EFCAB3: variants seen among roughly 807,000 people sequenced by gnomAD.
The protein encoded by EFCAB3 is EF-hand calcium binding domain 3.
EFCAB3 carries 36 observed loss-of-function variants against 42.2 expected under a neutral mutation model. The observed-to-expected ratio is 0.85, with a 90% CI of 0.65 to 1.13. The LOEUF (loss-of-function observed/expected upper bound fraction) is 1.13. Ranked by LOEUF, EFCAB3 falls within the 50% of genes most tolerant of loss-of-function variation. The pLI is 0.00. For missense variants in EFCAB3, 418 were observed against 505.1 expected, an observed-to-expected ratio of 0.83 and a Z score of 1.65; for synonymous variants, 170 against 172.8, an observed-to-expected ratio of 0.98 and a Z score of 0.13.
chr17:62,388,216 A>G (rs1163933470), intron 3 of EFCAB3, among the ~76,000 whole-genome samples: 1 of 152,210 alleles, frequency 6.6e-6, no homozygotes, highest in Non-Finnish European at 1.5e-5. Flanking sequence ...GTCTCGAAAA[A>G]AAAAAGCCAT....
intron 2 of EFCAB3, among the ~76,000 whole-genome samples, chr17:62,374,317 T>C (rs1220816167): frequency 6.6e-6 from 1 of 152,022 alleles, no homozygotes. Context: ...AAAAATTAAC[T>C]GGGCGTCATG....
At chr17:62,373,110 A>T (rs1442887776) in intron 1 of EFCAB3, among the ~76,000 whole-genome samples, 4 of 150,930 alleles carry the variant, frequency 2.7e-5, no homozygotes, top group African/African-American at 9.8e-5. Flanking sequence ...GCGAAACCCC[A>T]TCTCACTAAA....
intron 6 of EFCAB3, among the ~76,000 whole-genome samples, chr17:62,398,802 C>T (rs370410961): frequency 3.9e-5 from 6 of 152,012 alleles, no homozygotes; most frequent in East Asian, 1.9e-4. Context: ...CATAATTCAA[C>T]GTACGTTAAA....
chr17:62,408,715 C>A (rs2070469034), intron 8 of EFCAB3, among the ~76,000 whole-genome samples: 1 of 152,316 alleles, frequency 6.6e-6, no homozygotes, highest in Admixed American at 6.5e-5. Context: ...TATAGGCCAT[C>A]ACTGATCTAG....
intron 3 of EFCAB3, among the ~76,000 whole-genome samples, chr17:62,390,111 A>G (rs1252441200): frequency 1.3e-5 from 2 of 152,186 alleles, no homozygotes; most frequent in Non-Finnish European, 2.9e-5. Context: ...TTCAATAGGA[A>G]GAAGAGACAA....
Position 62,416,322 on chromosome 17 carries a change from A to C in EFCAB3, c.1310A>C (p.Gln437Pro). The C allele has an allele frequency of 4.4e-6, 7 of 1,578,322 alleles. No individual in the cohort carries two copies. Among genetic ancestry groups the C allele is most frequent in the Non-Finnish European group, 6.0e-6 (7 of 1,166,232 alleles). Residue 437 changes from glutamine to proline, a missense_variant, in exon 10 of 10, where the codon CAA (glutamine) becomes CCA (proline). Gln to Pro is a moderately conservative substitution (Grantham distance 76). Transcript: ENST00000305286. Reference protein sequence around the residue: ...KRKRKGLKGFQQ With the variant: ...KRKRKGLKGFPQ ...AAACGGAAAGGTTTAAAGGGATTTC[A>C]ACAATGAAATTTCTACATTTTCTAA... is the stretch of plus-strand genomic sequence containing the variant.
At chr17:62,377,806 C>T (rs1300194825), upstream of EFCAB3, among the ~76,000 whole-genome samples, 1 of 139,914 alleles carries the variant, frequency 7.1e-6, no homozygotes, top group African/African-American at 3.0e-5. Flanking sequence ...CATTAAGGCA[C>T]CAAAAGAAAC....
chr17:62,413,707 C>A (rs765785032), intron 8 of EFCAB3, 25 bp from the exon 9 acceptor site: 1 of 1,552,474 alleles, frequency 6.4e-7, no homozygotes, highest in African/African-American at 1.4e-5. Flanking sequence ...GTATTACTAA[C>A]CTTCTTTTTT....
At chr17:62,412,361 C>CAAAAAAAAA (rs1237628464) in intron 8 of EFCAB3, among the ~76,000 whole-genome samples, 1 of 65,958 alleles carries the variant, frequency 1.5e-5, no homozygotes, top group African/African-American at 4.9e-5. Context: ...GACTCTGTCT[C>CAAAAAAAAA]AAAAAAAAAA....
chr17:62,411,856 AGAAGGAAGGAAGGAAGGAAG>A (rs1179394697), intron 8 of EFCAB3, among the ~76,000 whole-genome samples: 1 of 56,140 alleles, frequency 1.8e-5, no homozygotes, highest in African/African-American at 5.9e-5. Context: ...AAGGAAGGAA[AGAAGGAAGGAAGGAAGGAAG>A]GAAGGAAGGA....
At chr17:62,374,159 CT>C (rs1201139187) in intron 2 of EFCAB3, among the ~76,000 whole-genome samples, 13 of 152,164 alleles carry the variant, frequency 8.5e-5, no homozygotes, top group Middle Eastern at 3.4e-3. Flanking sequence ...TAAAATCTTA[CT>C]TTTTTATAAA....
At chr17:62,373,450 C>CAAA (rs35615092) in intron 1 of EFCAB3, among the ~76,000 whole-genome samples, 1,450 of 140,584 alleles carry the variant, frequency 0.01, 20 homozygotes, top group African/African-American at 0.035. Flanking sequence ...CCCATCTCTA[C>CAAA]AAAAAAAAAA....
intron 1 of EFCAB3, among the ~76,000 whole-genome samples, chr17:62,371,245 A>G (rs1464519937): frequency 2.6e-5 from 4 of 152,026 alleles, no homozygotes; most frequent in Admixed American, 2.6e-4. Context: ...TGAAAAAAAG[A>G]CATGATATGT....
chr17:62,376,108 A>G (rs1202341033), upstream of EFCAB3, among the ~76,000 whole-genome samples: 2 of 152,288 alleles, frequency 1.3e-5, no homozygotes, highest in African/African-American at 2.4e-5. Flanking sequence ...AGTATGTTTC[A>G]TATTTTTAGA....
At chr17:62,387,796 T>C (rs1439425792) in intron 3 of EFCAB3, among the ~76,000 whole-genome samples, 1 of 152,182 alleles carries the variant, frequency 6.6e-6, no homozygotes, top group African/African-American at 2.4e-5. Context: ...AGTTTATTCA[T>C]CCAAACAACA....
intron 1 of EFCAB3, chr17:62,373,760 C>T (rs1467689428): frequency 9.7e-7 from 1 of 1,028,760 alleles, no homozygotes; most frequent in Non-Finnish European, 1.5e-6. Context: ...AATTTCACAA[C>T]TGTTATGAAT....
intron 9 of EFCAB3, 132 bp from the exon 10 acceptor site, chr17:62,415,871 C>G: frequency 1.3e-6 from 1 of 748,152 alleles, no homozygotes; most frequent in Non-Finnish European, 2.2e-6. Context: ...CCTCACGAGG[C>G]ACCACCTAAT....
chr17:62,414,100 G>A (rs968038764), intron 9 of EFCAB3, among the ~76,000 whole-genome samples: 3 of 152,146 alleles, frequency 2.0e-5, no homozygotes, highest in African/African-American at 7.2e-5. Context: ...TGTTATTTCT[G>A]GGACATTCAT....
chr17:62,407,345 C>G (rs932388212), intron 8 of EFCAB3, 133 bp downstream of exon 8: 2 of 765,480 alleles, frequency 2.6e-6, no homozygotes, highest in Non-Finnish European at 3.7e-6. Flanking sequence ...AACCATGTTC[C>G]TAAATTTAAG....
Sources: gnomAD v4.1 joint callset for allele counts (sites outside exome capture counted in the v4.1 genomes callset) on GRCh38, gnomAD v4.1.1 for gene constraint, MANE v1.5 for transcripts, NCBI Gene and HGNC (gene_info 2026-07-23, HGNC 2026-07-21) for gene names.